The following GRIK4 variants were observed in gnomAD, a reference collection of about 807,000 sequenced individuals.
GRIK4 encodes glutamate ionotropic receptor kainate type subunit 4.
GRIK4 carries 40 observed loss-of-function variants against 104.9 expected under a neutral mutation model. The ratio of observed to expected loss-of-function variants is 0.38; its 90% CI spans 0.30 to 0.50. The LOEUF is 0.50. Among genes scored for constraint, GRIK4 ranks in the 20% least tolerant of loss-of-function variants. The pLI, the probability that GRIK4 is intolerant of heterozygous loss-of-function variation, is 0.93. For missense variants in GRIK4, 1,047 were observed against 1,308.1 expected (o/e 0.80, Z 3.08); for synonymous variants, 485 against 524.9 (o/e 0.92, Z 1.04).
At chr11:120,913,927 A>C (rs1025944455) in intron 13 of GRIK4, among the ~76,000 whole-genome samples, 3 of 152,134 alleles carry the variant, frequency 2.0e-5, no homozygotes, top group African/African-American at 7.2e-5. Flanking sequence ...GACTATTTTA[A>C]CTACAAATAG....
chr11:120,715,690 C>A (rs1350980056), intron 3 of GRIK4, among the ~76,000 whole-genome samples: 6 of 152,154 alleles, frequency 3.9e-5, no homozygotes, highest in African/African-American at 1.4e-4. Context: ...GGCCCCAAAC[C>A]TCTGGGAAGA....
chr11:120,579,115 C>G (rs1011285632), intron 1 of GRIK4, among the ~76,000 whole-genome samples: 6 of 152,158 alleles, frequency 3.9e-5, no homozygotes, highest in Non-Finnish European at 8.8e-5. Context: ...GTATGCCAGG[C>G]CCTGTCCCAG....
intron 1 of GRIK4, among the ~76,000 whole-genome samples, chr11:120,567,723 C>G (rs560098354): frequency 2.0e-5 from 3 of 152,190 alleles, no homozygotes; most frequent in African/African-American, 7.2e-5. Context: ...ATTCCCTTCT[C>G]AGACACTTGT....
chr11:120,890,619 T>G (rs867033690), intron 11 of GRIK4, among the ~76,000 whole-genome samples: 2 of 152,346 alleles, frequency 1.3e-5, no homozygotes, highest in Non-Finnish European at 1.5e-5. Flanking sequence ...TTGCTTGATA[T>G]CTCTGAGTCT....
intron 14 of GRIK4, among the ~76,000 whole-genome samples, chr11:120,944,672 G>C (rs1943813750): frequency 6.6e-6 from 1 of 152,202 alleles, no homozygotes; most frequent in Admixed American, 6.5e-5. Flanking sequence ...TTTAGGGCAA[G>C]GCATTTCTTG....
At chr11:120,551,072 C>T (rs754414530) in intron 1 of GRIK4, among the ~76,000 whole-genome samples, 2 of 152,034 alleles carry the variant, frequency 1.3e-5, no homozygotes, top group Non-Finnish European at 2.9e-5. Flanking sequence ...CTGGGATTCA[C>T]GAGACGAATG....
chr11:120,694,357 A>G (rs766880409), intron 3 of GRIK4, among the ~76,000 whole-genome samples: 1 of 152,204 alleles, frequency 6.6e-6, no homozygotes, highest in African/African-American at 2.4e-5. Flanking sequence ...GGAGGCCCTC[A>G]TCTGTAGAAT....
intron 1 of GRIK4, among the ~76,000 whole-genome samples, chr11:120,631,730 T>C (rs1287261996): frequency 6.6e-6 from 1 of 152,218 alleles, no homozygotes; most frequent in East Asian, 1.9e-4. Context: ...TTATTAGGAT[T>C]GCCTCATGGG....
At chr11:120,687,383 T>C (rs143023472) in intron 3 of GRIK4, among the ~76,000 whole-genome samples, 70 of 152,358 alleles carry the variant, frequency 4.6e-4, no homozygotes, top group Admixed American at 4.1e-3. Flanking sequence ...GTGATTGTTT[T>C]TTGTTGTTTT....
At chr11:120,886,800 G>A (rs1955131398) in intron 11 of GRIK4, among the ~76,000 whole-genome samples, 1 of 152,192 alleles carries the variant, frequency 6.6e-6, no homozygotes. Flanking sequence ...CTGCTCTCCT[G>A]TTTTCTCACA....
At chr11:120,795,302 G>A (rs1952488125) in intron 3 of GRIK4, among the ~76,000 whole-genome samples, 1 of 152,156 alleles carries the variant, frequency 6.6e-6, no homozygotes. Context: ...AGAATGTGTG[G>A]AGGGAGAGCC....
intron 8 of GRIK4, among the ~76,000 whole-genome samples, chr11:120,837,483 C>T (rs927370608): frequency 6.6e-6 from 1 of 152,102 alleles, no homozygotes; most frequent in Non-Finnish European, 1.5e-5. Flanking sequence ...AAATACCTGC[C>T]CCATTGTTGG....
chr11:120,703,306 C>T (rs1348805233), intron 3 of GRIK4, among the ~76,000 whole-genome samples: 1 of 152,062 alleles, frequency 6.6e-6, no homozygotes, highest in Non-Finnish European at 1.5e-5. Flanking sequence ...GATCCAAGGC[C>T]TGGGGTCTTT....
intron 19 of GRIK4, among the ~76,000 whole-genome samples, chr11:120,972,288 G>A (rs766116959): frequency 1.3e-5 from 2 of 152,204 alleles, no homozygotes; most frequent in Non-Finnish European, 2.9e-5. Flanking sequence ...CTGGTGTGGT[G>A]GGATGGAATT....
intron 3 of GRIK4, among the ~76,000 whole-genome samples, chr11:120,801,026 A>G (rs1408092461): frequency 1.3e-5 from 2 of 152,190 alleles, no homozygotes; most frequent in African/African-American, 2.4e-5. Context: ...TAGCACAACT[A>G]TTATCACAAT....
intron 1 of GRIK4, among the ~76,000 whole-genome samples, chr11:120,571,699 C>G (rs542601044): frequency 3.9e-5 from 6 of 152,270 alleles, no homozygotes; most frequent in African/African-American, 1.2e-4. Context: ...CCTCTTCTTC[C>G]TCTCTTGCCA....
chr11:120,777,469 T>C (rs1385324941), intron 3 of GRIK4, among the ~76,000 whole-genome samples: 1 of 152,236 alleles, frequency 6.6e-6, no homozygotes, highest in African/African-American at 2.4e-5. Context: ...CATGTCTTAC[T>C]TGGGAAGTAT....
At chr11:120,885,115 T>C (rs1399604820) in intron 11 of GRIK4, among the ~76,000 whole-genome samples, 2 of 152,264 alleles carry the variant, frequency 1.3e-5, no homozygotes, top group Non-Finnish European at 2.9e-5. Context: ...GCCTGTGTCA[T>C]GTTCTTTGGC....
chr11:120,967,583 C>T lies in GRIK4; in HGVS notation c.2395+260C>T, dbSNP rs1944406170. ...TTTCTTGAACCCAGCTGCCTCTGAC[C>T]CCTAGCACCATGGCTTCTACCCTGG... On this transcript the variant is annotated intron_variant, in intron 19 of 20. Coordinates refer to ENST00000527524, the MANE Select transcript of GRIK4 (RefSeq NM_014619.5). The surrounding 1 kb of genome is among the most constrained non-coding windows in gnomAD (Gnocchi z 4.2). Among the ~76,000 whole-genome samples the T allele has an allele frequency of 6.6e-6, 1 of 152,172 alleles. No individual in the cohort carries two copies. The highest frequency in any genetic ancestry group is 1.5e-5 in the Non-Finnish European group (1 of 68,034).
Sources: allele counts gnomAD v4.1 joint callset (sites outside exome capture counted in the v4.1 genomes callset), GRCh38; gene constraint gnomAD v4.1.1; non-coding constraint Gnocchi (gnomAD v3.1); transcripts MANE v1.5; gene names NCBI Gene and HGNC (gene_info 2026-07-23, HGNC 2026-07-21).